Variants in SIPA1L3 observed in about 807,000 individuals in gnomAD.
SIPA1L3 encodes the protein signal-induced proliferation-associated 1-like protein 3.
In SIPA1L3, 59 loss-of-function variants were observed where a neutral mutation model predicts 150.1. That is an observed-to-expected ratio of 0.39 (90% CI 0.32 to 0.49). The LOEUF is 0.49. SIPA1L3 is among the 20% of genes least tolerant of loss of function. SIPA1L3 has a pLI of 0.86. For missense variants in SIPA1L3, 2,211 were observed against 2,489.5 expected, an observed-to-expected ratio of 0.89 and a Z score of 2.38; for synonymous variants, 1,070 against 1,077.6, an observed-to-expected ratio of 0.99 and a Z score of 0.14.
intron 12 of SIPA1L3, among the ~76,000 whole-genome samples, chr19:38,149,696 A>G (rs184712579): frequency 3.1e-4 from 47 of 152,326 alleles, no homozygotes; most frequent in African/African-American, 1.1e-3. Flanking sequence ...AGGCAAAGGC[A>G]TCCACAGCAC....
At chr19:38,028,824 C>G (rs904370016) in intron 1 of SIPA1L3, among the ~76,000 whole-genome samples, 12 of 151,882 alleles carry the variant, frequency 7.9e-5, no homozygotes, top group African/African-American at 2.9e-4. Context: ...TCCCAAGTAC[C>G]TGGCATGACA....
chr19:38,058,849 A>G (rs752850178), intron 2 of SIPA1L3, among the ~76,000 whole-genome samples: 1 of 151,508 alleles, frequency 6.6e-6, no homozygotes, highest in Non-Finnish European at 1.5e-5. Flanking sequence ...GCATGGTGAA[A>G]CCCTGTCTCT....
chr19:38,186,978 G>T (rs531307951), intron 16 of SIPA1L3, among the ~76,000 whole-genome samples: 1 of 141,392 alleles, frequency 7.1e-6, no homozygotes, highest in Admixed American at 7.3e-5. Flanking sequence ...TTACACTCCA[G>T]CCTGGGCAAC....
In SIPA1L3 at chr19:38,110,207, CCT is replaced by C; in HGVS notation, c.2134-17_2134-16del. 6.2e-7 allele frequency: 1 copy of C among 1,612,604 alleles called. No individual in the cohort carries two copies. The highest frequency in any genetic ancestry group is 8.5e-7 in the Non-Finnish European group (1 of 1,178,846). ...CCGACCTGTGACAGGTTCCTGTCCC[CCT>C]CTGTTGCCCTTTCCCAGCTGCTACG... is the stretch of plus-strand genomic sequence containing the variant. On this transcript the variant is annotated intron_variant, in intron 7 of 21. Transcript: ENST00000222345.
chr19:38,157,940 G>A (rs983519700), intron 13 of SIPA1L3, among the ~76,000 whole-genome samples: 17 of 152,248 alleles, frequency 1.1e-4, no homozygotes, highest in African/African-American at 2.9e-4. Context: ...CAGTAATGCC[G>A]AGTATGAAGT....
intron 1 of SIPA1L3, among the ~76,000 whole-genome samples, chr19:37,924,634 C>T (rs1409217682): frequency 2.0e-5 from 3 of 148,756 alleles, no homozygotes; most frequent in Non-Finnish European, 4.4e-5. Flanking sequence ...GCTGAGATTG[C>T]GCCACTGCAC....
intron 12 of SIPA1L3, among the ~76,000 whole-genome samples, chr19:38,151,842 A>G (rs1044858028): frequency 6.6e-5 from 10 of 151,594 alleles, no homozygotes; most frequent in Non-Finnish European, 1.2e-4. Context: ...ATGCAGCTAT[A>G]GTACCAGCTA....
intron 1 of SIPA1L3, among the ~76,000 whole-genome samples, chr19:37,917,889 C>T (rs1046824253): frequency 4.6e-5 from 7 of 151,948 alleles, no homozygotes; most frequent in African/African-American, 1.5e-4. Flanking sequence ...CCTGTGGTCC[C>T]AGCTACATGG....
chr19:38,022,825 C>T (rs547229457), intron 1 of SIPA1L3, among the ~76,000 whole-genome samples: 3 of 152,206 alleles, frequency 2.0e-5, no homozygotes, highest in Admixed American at 6.5e-5. Context: ...TTTGCACAGC[C>T]GCACATGGGT....
rs753354592 is a variant in SIPA1L3, at chr19:38,193,770, C to A, written c.4830C>A (p.Pro1610=). The change falls in exon 18 of 22, where the codon CCC becomes CCA. Residue 1610 remains proline, a synonymous_variant. Transcript: ENST00000222345. The part of the protein sequence containing the change: ...GATPAAGSGF[P]EKKSTISASE... ...CCCCTGCCGCCGGCAGCGGCTTTCCCGAGAAGAAATGTGAGCCTGGGCCCC... is the reference window on the plus strand; with the variant it reads ...CCCCTGCCGCCGGCAGCGGCTTTCCAGAGAAGAAATGTGAGCCTGGGCCCC... 1.9e-6 allele frequency: 3 copies of A among 1,572,362 alleles called. No homozygotes were observed. Among genetic ancestry groups the A allele is most frequent in the Admixed American group, 1.8e-5 (1 of 55,840 alleles).
intron 4 of SIPA1L3, among the ~76,000 whole-genome samples, chr19:38,096,336 G>A (rs1056542409): frequency 6.6e-6 from 1 of 152,180 alleles, no homozygotes; most frequent in African/African-American, 2.4e-5. Context: ...TGCAACCTCC[G>A]CCTCCTGGGT....
chr19:38,007,445 C>A, intron 1 of SIPA1L3, among the ~76,000 whole-genome samples: 1 of 109,822 alleles, frequency 9.1e-6, no homozygotes, highest in African/African-American at 3.9e-5. Flanking sequence ...AAGTGAAACT[C>A]TGTCTCAAAA....
chr19:38,195,070 C>G (rs944492093), intron 18 of SIPA1L3, among the ~76,000 whole-genome samples: 1 of 152,100 alleles, frequency 6.6e-6, no homozygotes, highest in Non-Finnish European at 1.5e-5. Flanking sequence ...AAAACTTCCC[C>G]TGCAGCTCCG....
intron 20 of SIPA1L3, among the ~76,000 whole-genome samples, chr19:38,202,316 G>A (rs765527087): frequency 2.6e-5 from 4 of 152,160 alleles, no homozygotes; most frequent in Non-Finnish European, 4.4e-5. Context: ...GGCCGGGCGC[G>A]GTGGCTCACG....
intron 3 of SIPA1L3, among the ~76,000 whole-genome samples, chr19:38,085,013 C>G (rs1970094903): frequency 6.6e-6 from 1 of 152,056 alleles, no homozygotes; most frequent in Non-Finnish European, 1.5e-5. Flanking sequence ...TAAGTCATCC[C>G]ACAGGACACT....
At chr19:38,031,243 A>G (rs1968647854) in intron 2 of SIPA1L3, among the ~76,000 whole-genome samples, 1 of 152,244 alleles carries the variant, frequency 6.6e-6, no homozygotes. Context: ...CAACCTTAAC[A>G]CAGTGATCAA....
chr19:38,152,236 C>T (rs1568578240), intron 12 of SIPA1L3, among the ~76,000 whole-genome samples: 1 of 152,298 alleles, frequency 6.6e-6, no homozygotes, highest in South Asian at 2.1e-4. Flanking sequence ...GAATCAAACC[C>T]CTGCCTAAAC....
chr19:37,989,504 A>G (rs916081829), intron 1 of SIPA1L3, among the ~76,000 whole-genome samples: 1 of 152,144 alleles, frequency 6.6e-6, no homozygotes, highest in Admixed American at 6.6e-5. Context: ...GATTACAGGC[A>G]TAATCTCAGT....
chr19:38,114,622 C>T (rs1384130449), intron 8 of SIPA1L3, among the ~76,000 whole-genome samples: 2 of 152,160 alleles, frequency 1.3e-5, no homozygotes, highest in South Asian at 2.1e-4. Context: ...TGAAGCATGT[C>T]CGCTCTGGAA....
Sources: gnomAD v4.1 joint callset for allele counts (sites outside exome capture counted in the v4.1 genomes callset) on GRCh38, gnomAD v4.1.1 for gene constraint, MANE v1.5 for transcripts, NCBI Gene and HGNC (gene_info 2026-07-23, HGNC 2026-07-21) for gene names.